Variants in CELF2 observed in about 807,000 individuals in gnomAD.
The protein encoded by CELF2 is CUGBP Elav-like family member 2, also known as CUG triplet repeat RNA-binding protein 2.
CELF2 carries 8 observed loss-of-function variants against 62.6 expected under a neutral mutation model. The ratio of observed to expected loss-of-function variants is 0.13; its 90% confidence interval spans 0.07 to 0.23. The LOEUF (loss-of-function observed/expected upper bound fraction) is 0.23. Among genes scored for constraint, CELF2 ranks in the 10% least tolerant of loss-of-function variants. The probability of loss-of-function intolerance (pLI) is 1.00; values close to 1 mark genes in which losing one functional copy is unlikely to be tolerated. For synonymous variants in CELF2, 258 were observed against 250.0 expected (o/e 1.03, Z -0.30); for missense variants, 333 against 671.0 (o/e 0.50, Z 5.56).
At chr10:10,480,047 T>C in the CELF2 span, among the ~76,000 whole-genome samples, 61 of 152,312 alleles carry the variant, frequency 4.0e-4, no homozygotes, top group African/African-American at 1.4e-3. Context: ...TTCTGGCATC[T>C]AGAATCTTAT....
chr10:10,520,602 G>A, the CELF2 span, among the ~76,000 whole-genome samples: 2 of 152,126 alleles, frequency 1.3e-5, no homozygotes, highest in Admixed American at 1.3e-4. Flanking sequence ...GAAGGCAAGG[G>A]CAAGAGAATA....
rs538512670 is a variant in CELF2 at position 11,196,686 on chromosome 10, A to G, written c.272-20739A>G. Among the ~76,000 whole-genome samples the G allele has an allele frequency of 1.9e-4, 28 of 148,194 alleles. No individual in the cohort carries two copies. The South Asian group carries it at 6.1e-3, about 32-fold the overall frequency. On this transcript the variant is annotated intron_variant, in intron 2 of 12. Transcript: ENST00000633077. ...AACAAAACAAAACAGAACCGGGCGC[A>G]GTGGCTCACACCTGTAATCCCAGCA...
At chr10:10,922,469 C>A (rs2065012204) in intron 2 of CELF2, among the ~76,000 whole-genome samples, 1 of 152,134 alleles carries the variant, frequency 6.6e-6, no homozygotes, top group Admixed American at 6.5e-5. Flanking sequence ...CAGAAGATAC[C>A]CACTCCGTGC....
rs2134361 is a variant in CELF2 at position 11,275,294 on chromosome 10, T to G, written c.841+174T>G. The stretch of plus-strand genomic sequence containing the variant: ...CGCCTGCTCTGAAGTGTCTCTGTTA[T>G]TTCTTAGGTTACCTACCCACCTTCG... On this transcript the variant is annotated intron_variant, in intron 8 of 12. Coordinates refer to ENST00000633077, the MANE Select transcript of CELF2 (RefSeq NM_001326342.2). Among the ~76,000 whole-genome samples the G allele has an allele frequency of 5.3e-5, 8 of 152,222 alleles. No homozygotes were observed. In the South Asian group the frequency reaches 1.7e-3, roughly 32 times the overall value.
the CELF2 span, among the ~76,000 whole-genome samples, chr10:10,471,366 A>T: frequency 2.0e-5 from 3 of 151,386 alleles, no homozygotes; most frequent in Admixed American, 6.6e-5. Flanking sequence ...ATATTTGTCT[A>T]TTTCTCCCCC....
chr10:11,277,765 G>A (rs1270650705), intron 8 of CELF2, among the ~76,000 whole-genome samples: 1 of 152,194 alleles, frequency 6.6e-6, no homozygotes, highest in Non-Finnish European at 1.5e-5. Flanking sequence ...ATATGGTAGT[G>A]GGATTGAAGA....
rs1159163315 is a variant in CELF2, at chr10:10,938,806, GGACCCCGT to G, written c.89+18810_89+18817del. On this transcript the variant is annotated intron_variant, in intron 2 of 13. Transcript: ENST00000636488. The surrounding 1 kb of genome is among the most constrained non-coding windows in gnomAD (Gnocchi z 4.2). ...GACAACTCAGGCTCGAGCCCGCTGG[GGACCCCGT>G]GAAGCACTGCCCCACCGAGGGACGC... Among the ~76,000 whole-genome samples, 1 of 152,180 alleles carries G rather than the reference GGACCCCGT, an allele frequency of 6.6e-6. No individual in the cohort carries two copies. Among genetic ancestry groups the G allele is most frequent in the Admixed American group, 6.5e-5 (1 of 15,286 alleles).
At chr10:10,657,022 T>A in the CELF2 span, among the ~76,000 whole-genome samples, 1 of 152,218 alleles carries the variant, frequency 6.6e-6, no homozygotes, top group South Asian at 2.1e-4. Context: ...CATTCAAATA[T>A]TCATCAATGG....
At chr10:10,924,281 CAAAAA>C (rs11415164) in intron 2 of CELF2, among the ~76,000 whole-genome samples, 6 of 45,090 alleles carry the variant, frequency 1.3e-4, no homozygotes, top group African/African-American at 4.3e-4. Context: ...GACTCCGTCC[CAAAAA>C]AAAAAAAAAA....
chr10:11,129,338 TC>T (rs2059248058), intron 1 of CELF2, among the ~76,000 whole-genome samples: 1 of 152,176 alleles, frequency 6.6e-6, no homozygotes, highest in African/African-American at 2.4e-5. Context: ...TCTAAAACTC[TC>T]TTTTTTTGTT....
Position 11,236,435 on chromosome 10 carries a change from G to GA in CELF2, c.355-12715dup, listed in dbSNP as rs2071328532. Among the ~76,000 whole-genome samples the GA allele has an allele frequency of 2.0e-5, 3 of 152,320 alleles. No homozygotes were observed. The South Asian group carries it at 6.2e-4, about 32-fold the overall frequency. On this transcript the variant is annotated intron_variant, in intron 3 of 12. Coordinates refer to ENST00000633077, the MANE Select transcript of CELF2 (RefSeq NM_001326342.2). ...ATGGAGGATGCCTTGCGTTGTGCAG[G>GA]AAACACTCATCAATTCTGTGGTTTG...
intron 2 of CELF2, among the ~76,000 whole-genome samples, chr10:10,967,007 A>G (rs1029056487): frequency 1.1e-4 from 16 of 152,336 alleles, no homozygotes; most frequent in Non-Finnish European, 2.1e-4. Context: ...AAAATTCTAG[A>G]CAAATTAAAT....
chr10:10,998,421 A>G (rs910841162), intron 2 of CELF2, among the ~76,000 whole-genome samples: 1 of 152,236 alleles, frequency 6.6e-6, no homozygotes, highest in Non-Finnish European at 1.5e-5. Flanking sequence ...CATATTTACA[A>G]GGAATAGGAA....
intron 1 of CELF2, among the ~76,000 whole-genome samples, chr10:11,090,306 A>G (rs561319071): frequency 5.8e-4 from 88 of 152,266 alleles, no homozygotes; most frequent in South Asian, 1.7e-3. Context: ...ATATGTTTGT[A>G]TTTAAAAGAA....
chr10:10,491,651 C>A, the CELF2 span, among the ~76,000 whole-genome samples: 1 of 152,118 alleles, frequency 6.6e-6, no homozygotes, highest in Non-Finnish European at 1.5e-5. Flanking sequence ...ATTCCTATCT[C>A]TAATCTCTGA....
At chr10:10,478,990 C>T in the CELF2 span, among the ~76,000 whole-genome samples, 1 of 152,058 alleles carries the variant, frequency 6.6e-6, no homozygotes, top group African/African-American at 2.4e-5. Context: ...TGTGCCCATC[C>T]CCACTCTTCT....
chr10:10,561,030 G>A, the CELF2 span, among the ~76,000 whole-genome samples: 104 of 150,298 alleles, frequency 6.9e-4, 3 homozygotes, highest in South Asian at 0.021. Context: ...AGAGTGGGAG[G>A]GGGGTGACAG....
the CELF2 span, among the ~76,000 whole-genome samples, chr10:10,551,109 G>A: frequency 3.9e-5 from 6 of 152,220 alleles, no homozygotes; most frequent in African/African-American, 9.7e-5. Flanking sequence ...TCAATGTGGA[G>A]ATCTGTGAAA....
intron 2 of CELF2, among the ~76,000 whole-genome samples, chr10:10,953,415 A>G (rs535327277): frequency 6.6e-6 from 1 of 152,344 alleles, no homozygotes; most frequent in East Asian, 1.9e-4. Context: ...TCACACCCAA[A>G]AGAAATTTAG....
Sources: gnomAD v4.1 joint callset for allele counts (sites outside exome capture counted in the v4.1 genomes callset) on GRCh38, gnomAD v4.1.1 for gene constraint, Gnocchi (gnomAD v3.1) non-coding constraint, MANE v1.5 for transcripts, NCBI Gene and HGNC (gene_info 2026-07-23, HGNC 2026-07-21) for gene names.